The following BACH2 variants were observed in gnomAD, a reference collection of about 807,000 sequenced individuals.
The protein encoded by BACH2 is transcription regulator protein BACH2.
A neutral mutation model predicts 61.8 loss-of-function variants in BACH2; 5 were observed. The observed-to-expected ratio is 0.08, with a 90% CI of 0.04 to 0.17. The LOEUF (loss-of-function observed/expected upper bound fraction) is 0.17. BACH2 is among the 10% of genes least tolerant of loss of function. The pLI is 1.00. For missense variants in BACH2, 824 were observed against 1,091.1 expected (o/e 0.76, Z 3.45); for synonymous variants, 446 against 440.1 (o/e 1.01, Z -0.17).
chr6:89,946,492 G>A (rs539036158), intron 7 of BACH2, among the ~76,000 whole-genome samples: 1 of 152,284 alleles, frequency 6.6e-6, no homozygotes, highest in Non-Finnish European at 1.5e-5. Flanking sequence ...ACTACTAACA[G>A]TAGGGTCACA....
intron 6 of BACH2, among the ~76,000 whole-genome samples, chr6:89,959,099 A>G (rs1424039073): frequency 1.3e-3 from 18 of 13,928 alleles, no homozygotes; most frequent in East Asian, 3.1e-3. Flanking sequence ...GCACAAGTGC[A>G]CACACACACA....
At chr6:90,284,465 A>G (rs146341248) in intron 1 of BACH2, among the ~76,000 whole-genome samples, 1 of 152,254 alleles carries the variant, frequency 6.6e-6, no homozygotes, top group African/African-American at 2.4e-5. Flanking sequence ...CCTCCGCAAT[A>G]GATGCTGTGT....
At chr6:90,149,469 C>T (rs750959285) in intron 4 of BACH2, among the ~76,000 whole-genome samples, 1 of 152,144 alleles carries the variant, frequency 6.6e-6, no homozygotes, top group Non-Finnish European at 1.5e-5. Context: ...GTTTGATCTC[C>T]TGAGAGAAAT....
At chr6:90,213,817 A>C (rs535757163) in intron 3 of BACH2, among the ~76,000 whole-genome samples, 121 of 152,320 alleles carry the variant, frequency 7.9e-4, no homozygotes, top group African/African-American at 2.9e-3. Context: ...GTTTGGGAAG[A>C]TCTCCTGTAA....
At chr6:90,116,907 T>C (rs1783424264) in intron 4 of BACH2, 5 of 526,344 alleles carry the variant, frequency 9.5e-6, no homozygotes, top group Non-Finnish European at 6.2e-6. Flanking sequence ...TTCTGTCTTT[T>C]CTCTGACCAT....
Position 90,089,581 on chromosome 6 carries a change from C to T in BACH2, c.-161-472G>A, listed in dbSNP as rs79365340. 5.7e-3 allele frequency among the ~76,000 whole-genome samples: 866 copies of T among 151,982 alleles called. 48 individuals are homozygous for T. The East Asian group carries it at 0.13, about 23-fold the overall frequency. The stretch of plus-strand genomic sequence containing the variant: ...ATTCCCTGATGCCTCAAATGTGTTT[C>T]GTTTTAAAATTAATATTTATTTTTT... On this transcript the variant is annotated intron_variant, in intron 4 of 8. Coordinates refer to ENST00000257749, the MANE Select transcript of BACH2 (RefSeq NM_021813.4).
chr6:90,231,027 C>G (rs76132269), intron 3 of BACH2, among the ~76,000 whole-genome samples: 19 of 152,294 alleles, frequency 1.2e-4, no homozygotes, highest in South Asian at 2.1e-4. Flanking sequence ...CTTCCTTCCT[C>G]TCTCTGCCGA....
At chr6:89,946,629 C>T (rs1229932067) in intron 7 of BACH2, among the ~76,000 whole-genome samples, 1 of 152,114 alleles carries the variant, frequency 6.6e-6, no homozygotes, top group Non-Finnish European at 1.5e-5. Context: ...CATGTCTTGG[C>T]CCTGTGTGAT....
intron 5 of BACH2, among the ~76,000 whole-genome samples, chr6:90,061,449 T>A (rs1780681624): frequency 6.6e-6 from 1 of 152,134 alleles, no homozygotes; most frequent in African/African-American, 2.4e-5. Context: ...GAGTTCTGTT[T>A]TGAATATGTT....
chr6:89,932,933 A>G, intron 8 of BACH2, 43 bp from the exon 9 acceptor site: 3 of 1,520,064 alleles, frequency 2.0e-6, no homozygotes, highest in Non-Finnish European at 2.7e-6. Flanking sequence ...TCAAGCCTGA[A>G]CTGGAGGACA....
chr6:89,959,103 A>G (rs1464605466), intron 6 of BACH2, among the ~76,000 whole-genome samples: 1 of 29,108 alleles, frequency 3.4e-5, no homozygotes, highest in Non-Finnish European at 7.8e-5. Context: ...AAGTGCACAC[A>G]CACACACACA....
intron 4 of BACH2, among the ~76,000 whole-genome samples, chr6:90,149,164 T>C (rs1251509039): frequency 6.6e-6 from 1 of 152,140 alleles, no homozygotes; most frequent in Non-Finnish European, 1.5e-5. Flanking sequence ...AAGGTGATGC[T>C]GGGCTTGGGA....
chr6:90,085,665 G>T lies in BACH2; in HGVS notation c.-13+3296C>A, dbSNP rs77299295. On this transcript the variant is annotated intron_variant, in intron 5 of 8. Transcript: ENST00000257749. ...TTCAGTGGATCCCTTACCTTTGTTG[G>T]CTTCTAAAGGCTGCCCAAAGGGTAA... 5.8e-3 allele frequency among the ~76,000 whole-genome samples: 880 copies of T among 152,234 alleles called. 50 individuals are homozygous for T. In the East Asian group the frequency reaches 0.13, roughly 23 times the overall value.
intron 6 of BACH2, among the ~76,000 whole-genome samples, chr6:89,962,159 T>C (rs1050612056): frequency 2.6e-5 from 4 of 151,908 alleles, no homozygotes; most frequent in Non-Finnish European, 4.4e-5. Flanking sequence ...ATTTTGACCA[T>C]AGCAAGTTGT....
intron 6 of BACH2, among the ~76,000 whole-genome samples, chr6:89,953,978 G>A (rs968786339): frequency 2.6e-5 from 4 of 152,206 alleles, no homozygotes; most frequent in African/African-American, 9.7e-5. Flanking sequence ...CAATACATCT[G>A]TTTTATGTCC....
chr6:89,954,478 T>C (rs1406544075), intron 6 of BACH2, among the ~76,000 whole-genome samples: 1 of 99,806 alleles, frequency 1.0e-5, no homozygotes, highest in Non-Finnish European at 1.8e-5. Context: ...GTCCCCAGAG[T>C]GTTCACACAG....
intron 6 of BACH2, among the ~76,000 whole-genome samples, chr6:89,981,726 C>G (rs1775969991): frequency 1.3e-5 from 2 of 152,084 alleles, no homozygotes; most frequent in Non-Finnish European, 2.9e-5. Flanking sequence ...TTTAAAAATC[C>G]TGGGTCTGGG....
intron 3 of BACH2, among the ~76,000 whole-genome samples, chr6:90,212,827 A>C (rs1769403469): frequency 6.6e-6 from 1 of 152,230 alleles, no homozygotes; most frequent in Non-Finnish European, 1.5e-5. Context: ...TCTGAGAGCC[A>C]GATGGGGAGA....
intron 2 of BACH2, among the ~76,000 whole-genome samples, chr6:90,261,892 T>G (rs1771170902): frequency 6.6e-6 from 1 of 152,192 alleles, no homozygotes; most frequent in Non-Finnish European, 1.5e-5. Context: ...TAACTGGCTC[T>G]CAGCACCATC....
Sources: allele counts gnomAD v4.1 joint callset (sites outside exome capture counted in the v4.1 genomes callset), GRCh38; gene constraint gnomAD v4.1.1; transcripts MANE v1.5; gene names NCBI Gene and HGNC (gene_info 2026-07-23, HGNC 2026-07-21).